MED4: variants seen among roughly 807,000 people sequenced by gnomAD.
MED4 encodes the protein mediator complex subunit 4.
Under a neutral mutation model 35.0 loss-of-function variants are expected in MED4, and 21 were observed. The ratio of observed to expected loss-of-function variants is 0.60; its 90% CI spans 0.43 to 0.86. The LOEUF (loss-of-function observed/expected upper bound fraction) is 0.86, where lower values mean the gene tolerates loss of function less well. MED4 is among the 40% of genes least tolerant of loss of function. MED4 has a pLI of 0.00. For missense variants in MED4, 300 were observed against 319.4 expected, an observed-to-expected ratio of 0.94 and a Z score of 0.46; for synonymous variants, 138 against 114.0, an observed-to-expected ratio of 1.21 and a Z score of -1.34.
At chr13:48,086,205 A>G in intron 3 of MED4, 77 bp downstream of exon 3, 2 of 1,405,346 alleles carry the variant, frequency 1.4e-6, no homozygotes, top group Non-Finnish European at 2.0e-6. Context: ...GCTCTTCAAA[A>G]TATTGATAAC....
At position 48,086,399 on chromosome 13, in the gene MED4, C is replaced by A. The variant is rs145280996; in HGVS notation, c.246G>T (p.Leu82Phe). 1.8e-4 allele frequency: 289 copies of A among 1,613,240 alleles called. 1 individual carries two copies. The African/African-American group carries it at 3.6e-3, about 20-fold the overall frequency. Residue 82 changes from leucine to phenylalanine, a missense_variant, in exon 3 of 7, where the codon TTG (leucine) becomes TTT (phenylalanine). Coordinates refer to ENST00000258648, the MANE Select transcript of MED4 (RefSeq NM_014166.4). ...GATGAATTTTTCCCTGATTAAGTGC[C>A]AATTTCATTAGTTCTTGAAATTCCC... ...RDGEFQELMK[L>F]ALNQGKIHHE...
At chr13:48,080,883 G>A (rs1395673970) in intron 5 of MED4, among the ~76,000 whole-genome samples, 1 of 152,078 alleles carries the variant, frequency 6.6e-6, no homozygotes, top group East Asian at 1.9e-4. Flanking sequence ...AAAATAGCAG[G>A]AGCAGGTAAT....
At chr13:48,079,121 A>G (rs1325996081) in intron 6 of MED4, among the ~76,000 whole-genome samples, 1 of 152,224 alleles carries the variant, frequency 6.6e-6, no homozygotes, top group Non-Finnish European at 1.5e-5. Context: ...TGAAGCTCAG[A>G]ATGAACTGGG....
intron 1 of MED4, among the ~76,000 whole-genome samples, chr13:48,094,006 G>A (rs1950907709): frequency 6.6e-6 from 1 of 152,208 alleles, no homozygotes; most frequent in Non-Finnish European, 1.5e-5. Flanking sequence ...CACTGAAGAT[G>A]TGGAAGTCTG....
intron 1 of MED4, among the ~76,000 whole-genome samples, chr13:48,092,141 CT>C (rs1213291944): frequency 1.4e-4 from 22 of 152,060 alleles, no homozygotes; most frequent in Non-Finnish European, 5.9e-5. Flanking sequence ...GAGTTTTGCT[CT>C]TGTTGCCCAG....
chr13:48,081,404 T>A (rs1005452768), intron 5 of MED4, among the ~76,000 whole-genome samples: 15 of 152,192 alleles, frequency 9.9e-5, no homozygotes, highest in Admixed American at 2.0e-4. Context: ...TTTAAAAAAT[T>A]ATCAATTTAT....
intron 5 of MED4, among the ~76,000 whole-genome samples, chr13:48,081,266 G>A (rs1950806204): frequency 6.6e-6 from 1 of 152,196 alleles, no homozygotes; most frequent in South Asian, 2.1e-4. Context: ...AAGAGAACTG[G>A]AATTGTCTTT....
chr13:48,079,073 T>C (rs747761026), intron 6 of MED4, among the ~76,000 whole-genome samples: 6 of 152,020 alleles, frequency 3.9e-5, no homozygotes, highest in South Asian at 2.1e-4. Flanking sequence ...CAAATATATA[T>C]AAAAATAGCA....
rs1950920150 is a variant in MED4 at position 48,095,051 on chromosome 13, CCTT to C, written c.25_27del (p.Lys9del). 3.7e-6 allele frequency: 6 copies of C among 1,605,366 alleles called. No individual in the cohort carries two copies. The highest frequency in any genetic ancestry group is 1.3e-5 in the African/African-American group (1 of 74,940). On this transcript the variant is annotated inframe_deletion, in exon 1 of 7. Coordinates refer to ENST00000258648, the MANE Select transcript of MED4 (RefSeq NM_014166.4). ...AAACCGCCTCCCAGCCGCTCCTTCT[CCTT>C]CTCACCACTCGAAGACGCAGCCATT... is the stretch of plus-strand genomic sequence containing the variant.
intron 2 of MED4, among the ~76,000 whole-genome samples, chr13:48,087,482 T>C (rs1566119800): frequency 6.6e-6 from 1 of 152,150 alleles, no homozygotes; most frequent in Non-Finnish European, 1.5e-5. Context: ...TGTGCTAATA[T>C]ATATTAGAAA....
Position 48,094,909 on chromosome 13 carries a change from T to C in MED4, c.125+45A>G, listed in dbSNP as rs776323558. 4 of 1,584,724 alleles carry C rather than the reference T, an allele frequency of 2.5e-6. No homozygotes were observed. The Admixed American group carries it at 6.7e-5, about 27-fold the overall frequency. On this transcript the variant is annotated intron_variant, in intron 1 of 6. Transcript: ENST00000258648. The stretch of plus-strand genomic sequence containing the variant: ...CAGGGCCGGCCGGCTCCGGGGTCAG[T>C]CCCCCGGCCCAGCTCCAGCCCGGCT...
At position 48,090,433 on chromosome 13, in the gene MED4, C is replaced by A. The variant is rs1246717812; in HGVS notation, c.126-15G>T. 4 of 1,488,332 alleles carry A rather than the reference C, an allele frequency of 2.7e-6. No individual in the cohort carries two copies. The highest frequency in any genetic ancestry group is 2.3e-5 in the East Asian group (1 of 43,766). The allele number at this position is 1,488,332 out of a possible 1,614,324, so 92.2% of individuals were successfully genotyped here. A position where few individuals can be genotyped will look rare whatever the true frequency, so the allele number is the denominator to read the frequency against. On this transcript the variant is annotated splice_polypyrimidine_tract_variant and intron_variant, in intron 1 of 6. Coordinates refer to ENST00000258648, the MANE Select transcript of MED4 (RefSeq NM_014166.4). ...CTATAAGTTCCCTAAAAAAAAAAAA[C>A]CAACAACAACAAAAACCCTTTCACA...
intron 2 of MED4, among the ~76,000 whole-genome samples, chr13:48,087,171 G>A (rs1010021590): frequency 1.1e-4 from 17 of 151,802 alleles, no homozygotes; most frequent in African/African-American, 4.1e-4. Context: ...TTCGAGACCA[G>A]CCTGACCAAC....
intron 5 of MED4, 61 bp downstream of exon 5, chr13:48,081,584 A>G: frequency 8.8e-7 from 1 of 1,131,946 alleles, no homozygotes; most frequent in Non-Finnish European, 1.3e-6. Flanking sequence ...ATGTCTGTAC[A>G]TAGTCACCTA....
intron 1 of MED4, among the ~76,000 whole-genome samples, chr13:48,092,027 G>A (rs1015275882): frequency 3.3e-5 from 5 of 152,216 alleles, no homozygotes; most frequent in African/African-American, 9.6e-5. Flanking sequence ...AAAGCAAAGT[G>A]AGGATGTAGC....
In MED4 at chr13:48,086,303, T is replaced by C. The variant is rs750217753; in HGVS notation, c.342A>G (p.Leu114=). The stretch of plus-strand genomic sequence containing the variant: ...TTACCAGTATTTGTTCTGCTTCCTT[T>C]AGCTGTTTTTGTAGCTGCTGAATAT... ...DSDIQQLQKQ[L]KEAEQILATA... Residue 114 remains leucine (L), a synonymous_variant, in exon 3 of 7, where the codon CTA becomes CTG. Coordinates refer to ENST00000258648, the MANE Select transcript of MED4 (RefSeq NM_014166.4). 3 of 1,613,866 alleles carry C rather than the reference T, an allele frequency of 1.9e-6. No homozygotes were observed. Among genetic ancestry groups the C allele is most frequent in the South Asian group, 1.1e-5 (1 of 91,076 alleles).
intron 3 of MED4, among the ~76,000 whole-genome samples, chr13:48,083,945 C>T (rs538859433): frequency 2.0e-5 from 3 of 152,190 alleles, no homozygotes; most frequent in East Asian, 1.9e-4. Context: ...TGCATATCTT[C>T]GACTATGACA....
chr13:48,082,353 A>G (rs759312690), intron 4 of MED4, among the ~76,000 whole-genome samples: 1 of 152,232 alleles, frequency 6.6e-6, no homozygotes. Context: ...AGAAGTGAGA[A>G]CCACACACTT....
At chr13:48,092,404 G>A (rs938171066) in intron 1 of MED4, among the ~76,000 whole-genome samples, 4 of 152,170 alleles carry the variant, frequency 2.6e-5, no homozygotes, top group South Asian at 4.1e-4. Flanking sequence ...GAGCCACTGC[G>A]CCCGGCCTAG....
Sources: allele counts gnomAD v4.1 joint callset (sites outside exome capture counted in the v4.1 genomes callset), GRCh38; gene constraint gnomAD v4.1.1; transcripts MANE v1.5; gene names NCBI Gene and HGNC (gene_info 2026-07-23, HGNC 2026-07-21).